The following EIF2AK2 variants were observed in gnomAD, a reference collection of about 807,000 sequenced individuals.
EIF2AK2 encodes eukaryotic translation initiation factor 2 alpha kinase 2.
Under a neutral mutation model 70.5 loss-of-function variants are expected in EIF2AK2, and 40 were observed. The ratio of observed to expected loss-of-function variants is 0.57; its 90% CI spans 0.44 to 0.74. The LOEUF (loss-of-function observed/expected upper bound fraction) is 0.74, where lower values mean the gene tolerates loss of function less well. Among genes scored for constraint, EIF2AK2 ranks in the 30% least tolerant of loss-of-function variants. The probability of loss-of-function intolerance (pLI) is 0.00; values close to 1 mark genes in which losing one functional copy is unlikely to be tolerated. For synonymous variants in EIF2AK2, 198 were observed against 220.9 expected (o/e 0.90, Z 0.92); for missense variants, 555 against 644.3 (o/e 0.86, Z 1.50).
At chr2:37,124,803 C>T (rs1018394595) in intron 11 of EIF2AK2, among the ~76,000 whole-genome samples, 1 of 151,506 alleles carries the variant, frequency 6.6e-6, no homozygotes, top group African/African-American at 2.4e-5. Flanking sequence ...CCATGGCTCA[C>T]TGCAGCCTCC....
intron 10 of EIF2AK2, among the ~76,000 whole-genome samples, chr2:37,128,217 C>G (rs545935543): frequency 5.9e-5 from 9 of 152,188 alleles, no homozygotes; most frequent in African/African-American, 2.2e-4. Context: ...TTGAATGACC[C>G]GCCCCACTGA....
chr2:37,138,636 C>A, intron 6 of EIF2AK2, 51 bp from the exon 7 acceptor site: 1 of 1,520,348 alleles, frequency 6.6e-7, no homozygotes, highest in South Asian at 1.1e-5. Context: ...AATTATTTCT[C>A]TACAGAGGCT....
At chr2:37,111,787 G>C (rs551084506) in intron 14 of EIF2AK2, among the ~76,000 whole-genome samples, 140 of 146,758 alleles carry the variant, frequency 9.5e-4, no homozygotes, top group African/African-American at 3.4e-3. Flanking sequence ...GAGCCAAGGA[G>C]GTCGAGGCTG....
intron 10 of EIF2AK2, among the ~76,000 whole-genome samples, chr2:37,128,922 C>A (rs184700750): frequency 1.3e-5 from 2 of 152,306 alleles, no homozygotes; most frequent in East Asian, 3.9e-4. Context: ...AGAGAAATTA[C>A]ACAAGAGCAC....
chr2:37,143,418 T>A (rs879064120), intron 4 of EIF2AK2, among the ~76,000 whole-genome samples: 1 of 152,188 alleles, frequency 6.6e-6, no homozygotes, highest in African/African-American at 2.4e-5. Flanking sequence ...TGTATATTGG[T>A]TCTCCATTAC....
Position 37,148,960 on chromosome 2 carries a change from G to A in EIF2AK2, c.-120C>T, listed in dbSNP as rs1573041241. On this transcript the variant is annotated 5_prime_UTR_variant, in exon 2 of 17. Coordinates refer to ENST00000233057, the MANE Select transcript of EIF2AK2 (RefSeq NM_001135651.3). ...CAAACCTGAGTCAGATGGAAGAACT[G>A]CTAAAGTTTTGAGGTCATTACAATT... The A allele has an allele frequency of 1.2e-6, 1 of 829,776 alleles. No homozygotes were observed. The highest frequency in any genetic ancestry group is 2.2e-6 in the Non-Finnish European group (1 of 463,012). The allele number at this position is 829,776 out of a possible 1,614,324, so 51.4% of individuals were successfully genotyped here. A position where few individuals can be genotyped will look rare whatever the true frequency, so the allele number is the denominator to read the frequency against.
At chr2:37,141,758 A>G in intron 4 of EIF2AK2, 57 bp from the exon 5 acceptor site, 1 of 1,485,874 alleles carries the variant, frequency 6.7e-7, no homozygotes, top group Non-Finnish European at 9.0e-7. Flanking sequence ...TTAACCTTTT[A>G]AAAATCATTC....
rs774141159 is a variant in EIF2AK2 at position 37,107,541 on chromosome 2, T to A, written c.1480-14A>T. On this transcript the variant is annotated splice_polypyrimidine_tract_variant and intron_variant, in intron 15 of 16. Coordinates refer to ENST00000233057, the MANE Select transcript of EIF2AK2 (RefSeq NM_001135651.3). ...GTCTGTGAAAAACTGGAAAAAAAAA[T>A]GATAGGTGTATATTAGGAAATTATT... The A allele has an allele frequency of 2.5e-6, 4 of 1,605,428 alleles. No individual in the cohort carries two copies. The East Asian group carries it at 6.7e-5, about 27-fold the overall frequency.
At chr2:37,140,199 A>T (rs1300000084) in intron 5 of EIF2AK2, among the ~76,000 whole-genome samples, 1 of 152,198 alleles carries the variant, frequency 6.6e-6, no homozygotes, top group African/African-American at 2.4e-5. Flanking sequence ...GTAGGGGAAG[A>T]GCAAAGCATG....
At chr2:37,132,392 C>A (rs1398685129) in intron 10 of EIF2AK2, among the ~76,000 whole-genome samples, 1 of 152,104 alleles carries the variant, frequency 6.6e-6, no homozygotes, top group South Asian at 2.1e-4. Flanking sequence ...GAGTTTGAGA[C>A]CAGCCTGATC....
rs1336616180 is a variant in EIF2AK2, at chr2:37,099,928, A to C, written c.*7345T>G. The C allele has an allele frequency of 1.3e-5, 2 of 152,232 alleles. No homozygotes were observed. Among genetic ancestry groups the C allele is most frequent in the African/African-American group, 4.8e-5 (2 of 41,462 alleles). The allele number at this position is 152,232 out of a possible 1,614,324, so 9.4% of individuals were successfully genotyped here. On this transcript the variant is annotated 3_prime_UTR_variant, in exon 17 of 17. Coordinates refer to ENST00000233057, the MANE Select transcript of EIF2AK2 (RefSeq NM_001135651.3). ...ATGATTCCATTTATATGAAATGTCT[A>C]GCATGGGCAAATCTATAGAGATGGA...
chr2:37,108,146 CAAAAA>C (rs569711940), intron 15 of EIF2AK2, among the ~76,000 whole-genome samples: 1 of 117,104 alleles, frequency 8.5e-6, no homozygotes, highest in Admixed American at 8.8e-5. Flanking sequence ...AACTCTATCT[CAAAAA>C]AAAAAAAAAA....
At position 37,148,706 on chromosome 2, in the gene EIF2AK2, AT is replaced by A. The variant is rs1457169011; in HGVS notation, c.-17+150del. 6.1e-6 allele frequency: 5 copies of A among 822,938 alleles called. No individual in the cohort carries two copies. The African/African-American group carries it at 8.4e-5, about 14-fold the overall frequency. The allele number at this position is 822,938 out of a possible 1,614,324, so 51.0% of individuals were successfully genotyped here. ...GAACAATACAATTTGCTTTCATCAC[AT>A]AAAAATTTATATTGACAGATTTGAG... On this transcript the variant is annotated intron_variant, in intron 2 of 16. Transcript: ENST00000233057.
rs906402350 is a variant in EIF2AK2, at chr2:37,138,260, A to C, written c.687+10T>G. Reference sequence around the variant, plus strand: ...AGATTAAGTAGGAAGCTTCGAGACTAATACGATACCATAAGCAACGAAGAA... The same window carrying C: ...AGATTAAGTAGGAAGCTTCGAGACTCATACGATACCATAAGCAACGAAGAA... On this transcript the variant is annotated intron_variant, in intron 8 of 16. Coordinates refer to ENST00000233057, the MANE Select transcript of EIF2AK2 (RefSeq NM_001135651.3). 6.3e-7 allele frequency: 1 copy of C among 1,597,002 alleles called. No individual in the cohort carries two copies. Among genetic ancestry groups the C allele is most frequent in the Non-Finnish European group, 8.6e-7 (1 of 1,168,206 alleles).
intron 14 of EIF2AK2, chr2:37,109,633 C>T (rs1479670690): frequency 3.0e-5 from 6 of 197,380 alleles, no homozygotes; most frequent in East Asian, 1.3e-4. Context: ...CTGTTCATAG[C>T]GTATTTATTC....
In EIF2AK2 at chr2:37,099,452, T is replaced by C. The variant is rs1315259435; in HGVS notation, c.*7821A>G. The C allele has an allele frequency of 6.6e-6, 1 of 152,160 alleles. No individual in the cohort carries two copies. The highest frequency in any genetic ancestry group is 1.5e-5 in the Non-Finnish European group (1 of 68,032). 9.4% of individuals were successfully genotyped at this position (152,160 alleles called of 1,614,324 possible). A position where few individuals can be genotyped will look rare whatever the true frequency, so the allele number is the denominator to read the frequency against. On this transcript the variant is annotated 3_prime_UTR_variant, in exon 17 of 17. Coordinates refer to ENST00000233057, the MANE Select transcript of EIF2AK2 (RefSeq NM_001135651.3). ...CAGTATAATGAAGAAAAGTGCTGTG[T>C]AGGAATGACTGAGCTCTAAGACAAA...
intron 13 of EIF2AK2, among the ~76,000 whole-genome samples, chr2:37,117,686 C>T (rs1354918283): frequency 6.6e-6 from 1 of 152,174 alleles, no homozygotes; most frequent in Non-Finnish European, 1.5e-5. Flanking sequence ...CTGAGGATGA[C>T]CAGAGCCTGG....
intron 4 of EIF2AK2, among the ~76,000 whole-genome samples, chr2:37,143,099 G>A (rs780609632): frequency 2.0e-5 from 3 of 151,926 alleles, no homozygotes; most frequent in Admixed American, 2.0e-4. Context: ...CGTGGTGGTG[G>A]GTGCCTGTAA....
In EIF2AK2 at chr2:37,128,329, G is replaced by C. The variant is rs1432060714; in HGVS notation, c.786-1918C>G. On this transcript the variant is annotated intron_variant, in intron 10 of 16. Coordinates refer to ENST00000233057, the MANE Select transcript of EIF2AK2 (RefSeq NM_001135651.3). ...TCAAGTGAAATCTGATATGGAGCTA[G>C]AAAGTAGAAAACAGATACAAGTGGA... Among the ~76,000 whole-genome samples, 3 of 152,132 alleles carry C rather than the reference G, an allele frequency of 2.0e-5. No homozygotes were observed. The East Asian group carries it at 5.8e-4, about 29-fold the overall frequency.
Sources: allele counts gnomAD v4.1 joint callset (sites outside exome capture counted in the v4.1 genomes callset), GRCh38; gene constraint gnomAD v4.1.1; transcripts MANE v1.5; gene names NCBI Gene and HGNC (gene_info 2026-07-23, HGNC 2026-07-21).